BAIAP2L2: variants seen among roughly 807,000 people sequenced by gnomAD.
The protein encoded by BAIAP2L2 is BAR/IMD domain-containing adapter protein 2-like 2.
In BAIAP2L2, 65 loss-of-function variants were observed where a neutral mutation model predicts 60.4. The observed-to-expected ratio is 1.08, with a 90% CI of 0.88 to 1.32. BAIAP2L2 has a LOEUF of 1.32. BAIAP2L2 is among the 40% of genes most tolerant of loss of function. The pLI is 0.00. For missense variants in BAIAP2L2, 836 were observed against 741.2 expected (o/e 1.13, Z -1.48); for synonymous variants, 344 against 301.7 (o/e 1.14, Z -1.45).
chr22:38,085,283 C>A lies in BAIAP2L2; in HGVS notation c.*17G>T, dbSNP rs768002769. 1.9e-6 allele frequency: 3 copies of A among 1,612,330 alleles called. No individual in the cohort carries two copies. Among genetic ancestry groups the A allele is most frequent in the Admixed American group, 3.3e-5 (2 of 59,952 alleles). The stretch of plus-strand genomic sequence containing the variant: ...CCCTGGGCAGGTGCACTGTGGGGTA[C>A]GACCTCGGACCCCGCCTCAGCGGAT... On this transcript the variant is annotated 3_prime_UTR_variant, in exon 14 of 14. Transcript: ENST00000381669.
At chr22:38,089,729 G>A in intron 7 of BAIAP2L2, 55 bp from the exon 8 acceptor site, 1 of 1,221,674 alleles carries the variant, frequency 8.2e-7, no homozygotes, top group Non-Finnish European at 1.0e-6. Context: ...CCTGAATCCT[G>A]GGGACCCAAA....
At chr22:38,090,980 A>C (rs560372221) in intron 7 of BAIAP2L2, 1 of 152,380 alleles carries the variant, frequency 6.6e-6, no homozygotes, top group South Asian at 2.1e-4. Flanking sequence ...GCAGAATAGC[A>C]CAAAGATAAA....
chr22:38,086,442 G>C lies in BAIAP2L2; in HGVS notation c.1267C>G (p.Pro423Ala), dbSNP rs200971843. The C allele has an allele frequency of 3.3e-6, 5 of 1,503,342 alleles. No individual in the cohort carries two copies. Among genetic ancestry groups the C allele is most frequent in the Non-Finnish European group, 4.5e-6 (5 of 1,120,364 alleles). 93.1% of individuals were successfully genotyped at this position (1,503,342 alleles called of 1,614,324 possible). ...TCGAGGCTGTGGCTGCCCCGGAGTGGGTAGGACCTAAGTCCAGAGAAAGGA... is the reference window on the plus strand; with the variant it reads ...TCGAGGCTGTGGCTGCCCCGGAGTGCGTAGGACCTAAGTCCAGAGAAAGGA... Reference protein sequence around the residue: ...PGNELPSRSYPLRGSHSLDDL... With the variant: ...PGNELPSRSYALRGSHSLDDL... Residue 423 changes from proline (P) to alanine (A), a missense_variant, in exon 12 of 14, where the codon CCA becomes GCA. Coordinates refer to ENST00000381669, the MANE Select transcript of BAIAP2L2 (RefSeq NM_025045.6).
chr22:38,089,929 G>A (rs2086240933), intron 7 of BAIAP2L2, among the ~76,000 whole-genome samples: 1 of 151,838 alleles, frequency 6.6e-6, no homozygotes, highest in African/African-American at 2.4e-5. Flanking sequence ...TTTGAGCGGG[G>A]CTGTCCTCAC....
intron 7 of BAIAP2L2, chr22:38,094,049 C>T (rs4373009): frequency 0.44 from 198,715 of 454,244 alleles, 45,976 homozygotes; most frequent in South Asian, 0.54. Context: ...GGAAGCCAGT[C>T]GCAAAAGAGC....
At position 38,108,331 on chromosome 22, in the gene BAIAP2L2, C is replaced by T. The variant is rs1198284317; in HGVS notation, c.138G>A (p.Glu46=). ...NYLRAFHALS[E]AAEVYFSAIQ... is the part of the protein sequence containing the mutation. ...TGGCACTGAAGTAGACCTCGGCCGC[C>T]TCGGACAGAGCTGTGGACCAGAAGG... Residue 46 remains glutamate (E), a synonymous_variant, in exon 3 of 14, where the codon GAG becomes GAA. Transcript: ENST00000381669. The T allele has an allele frequency of 1.2e-6, 2 of 1,612,436 alleles. No individual in the cohort carries two copies. Among genetic ancestry groups the T allele is most frequent in the East Asian group, 4.5e-5 (2 of 44,878 alleles).
intron 7 of BAIAP2L2, among the ~76,000 whole-genome samples, 174 bp from the exon 8 acceptor site, chr22:38,089,848 T>G (rs2145955075): frequency 6.6e-6 from 1 of 152,164 alleles, no homozygotes; most frequent in Non-Finnish European, 1.5e-5. Flanking sequence ...CCCTCTACTT[T>G]TGGCAAAGGC....
At chr22:38,107,341 G>C (rs577219620) in intron 4 of BAIAP2L2, among the ~76,000 whole-genome samples, 1 of 152,150 alleles carries the variant, frequency 6.6e-6, no homozygotes, top group Non-Finnish European at 1.5e-5. Flanking sequence ...CCCGCAGCGG[G>C]GACACCAGCA....
rs1459888173 is a variant in BAIAP2L2, at chr22:38,094,036, AAAGG to A, written c.612+2992_612+2995del. The A allele has an allele frequency of 3.1e-5, 14 of 455,486 alleles. No homozygotes were observed. The Admixed American group carries it at 3.3e-4, about 11-fold the overall frequency. The allele number at this position is 455,486 out of a possible 1,614,324, so 28.2% of individuals were successfully genotyped here. The stretch of plus-strand genomic sequence containing the variant: ...GCAATGGAATATTATCCAGCAGTGA[AAAGG>A]AAGCCAGTCGCAAAAGAGCACACAC... On this transcript the variant is annotated intron_variant, in intron 7 of 13. Transcript: ENST00000381669.
chr22:38,102,169 G>T, intron 4 of BAIAP2L2, among the ~76,000 whole-genome samples: 1 of 152,260 alleles, frequency 6.6e-6, no homozygotes. Flanking sequence ...AAGGTAAGAG[G>T]TCCCTGGTAA....
chr22:38,106,765 G>A (rs113559587), intron 4 of BAIAP2L2, among the ~76,000 whole-genome samples: 58 of 152,304 alleles, frequency 3.8e-4, no homozygotes, highest in African/African-American at 1.3e-3. Context: ...CCCGCTCATG[G>A]CTGTGCGCAG....
Position 38,089,164 on chromosome 22 carries a change from T to C in BAIAP2L2, c.833A>G (p.Glu278Gly), listed in dbSNP as rs2086200627. 6 of 1,332,684 alleles carry C rather than the reference T, an allele frequency of 4.5e-6. No individual in the cohort carries two copies. In the African/African-American group the frequency reaches 7.8e-5, roughly 17 times the overall value. 82.6% of individuals were successfully genotyped at this position (1,332,684 alleles called of 1,614,324 possible). The change falls in exon 9 of 14, where the codon GAG (glutamate) becomes GGG (glycine). Residue 278 changes from glutamate (E) to glycine (G), a missense_variant. By Grantham distance (98) the Glu-to-Gly change is moderately conservative. Transcript: ENST00000381669. Reference protein sequence around the residue: ...SRHGSGSYGTEPDARPASQLE... With the variant: ...SRHGSGSYGTGPDARPASQLE... ...CTGGGACGCGGGCCTCGCGTCGGGC[T>C]CGGTGCCGTAGGAGCCGGAGCCGTG...
In BAIAP2L2 at chr22:38,109,208, T is replaced by C. The variant is rs936189895; in HGVS notation, c.52A>G (p.Ser18Gly). 1 of 1,610,464 alleles carries C rather than the reference T, an allele frequency of 6.2e-7. No individual in the cohort carries two copies. The change falls in exon 2 of 14, where the codon AGC becomes GGC. Residue 18 changes from serine to glycine, a missense_variant and splice_region_variant. Coordinates refer to ENST00000381669, the MANE Select transcript of BAIAP2L2 (RefSeq NM_025045.6). ...GCGGGGTTAAACTGCTCCATGATGC[T>C]CTGGACCCCAGGGTCAGGGGAGGAA... is the stretch of plus-strand genomic sequence containing the variant. The part of the protein sequence containing the change: ...FYRSTMAIYK[S>G]IMEQFNPALE...
intron 7 of BAIAP2L2, 30 bp downstream of exon 7, chr22:38,097,002 C>T (rs1234638062): frequency 3.1e-5 from 50 of 1,592,052 alleles, no homozygotes; most frequent in Non-Finnish European, 4.2e-5. Context: ...CCTAGAAGCG[C>T]CCCGCTTGCT....
chr22:38,092,492 G>GTCTTGAACTCCTGA (rs1231153951), intron 7 of BAIAP2L2, among the ~76,000 whole-genome samples: 3 of 152,082 alleles, frequency 2.0e-5, no homozygotes, highest in African/African-American at 7.2e-5. Context: ...GGCCAGGCTG[G>GTCTTGAACTCCTGA]TCTTGAACTC....
intron 4 of BAIAP2L2, among the ~76,000 whole-genome samples, chr22:38,107,064 GTTA>G (rs1018111320): frequency 2.6e-5 from 4 of 152,220 alleles, no homozygotes; most frequent in African/African-American, 4.8e-5. Flanking sequence ...CTGGGAGGCA[GTTA>G]TTATGATTCT....
rs534510615 is a variant in BAIAP2L2 at position 38,094,432 on chromosome 22, C to T, written c.612+2600G>A. On this transcript the variant is annotated intron_variant, in intron 7 of 13. Coordinates refer to ENST00000381669, the MANE Select transcript of BAIAP2L2 (RefSeq NM_025045.6). ...AACTCCTGTCCTCAGGTGATCCACC[C>T]GCCTCGGCCTCCCACAGTGCTGGGA... Among the ~76,000 whole-genome samples, 12 of 152,200 alleles carry T rather than the reference C, an allele frequency of 7.9e-5. No individual in the cohort carries two copies. The East Asian group carries it at 1.5e-3, about 20-fold the overall frequency.
chr22:38,088,413 G>T (rs1569217153), intron 10 of BAIAP2L2, among the ~76,000 whole-genome samples: 1 of 152,254 alleles, frequency 6.6e-6, no homozygotes, highest in Non-Finnish European at 1.5e-5. Context: ...GGCTGACTCT[G>T]CAGAGGGGAA....
chr22:38,094,437 C>T (rs1283379348), intron 7 of BAIAP2L2, among the ~76,000 whole-genome samples: 10 of 152,138 alleles, frequency 6.6e-5, no homozygotes, highest in Admixed American at 2.6e-4. Context: ...CCACCCGCCT[C>T]GGCCTCCCAC....
Sources: allele counts gnomAD v4.1 joint callset (sites outside exome capture counted in the v4.1 genomes callset), GRCh38; gene constraint gnomAD v4.1.1; transcripts MANE v1.5; gene names NCBI Gene and HGNC (gene_info 2026-07-23, HGNC 2026-07-21).